The following AP1G2 variants were observed in gnomAD, a reference collection of about 807,000 sequenced individuals.
The protein encoded by AP1G2 is adaptor related protein complex 1 subunit gamma 2.
AP1G2 carries 85 observed loss-of-function variants against 95.8 expected under a neutral mutation model. The ratio of observed to expected loss-of-function variants is 0.89; its 90% confidence interval spans 0.74 to 1.06. AP1G2 has a LOEUF of 1.06. Ranked by LOEUF, AP1G2 falls within the 50% of genes least tolerant of loss-of-function variation. The probability of loss-of-function intolerance (pLI) is 0.00; values close to 1 mark genes in which losing one functional copy is unlikely to be tolerated. For synonymous variants in AP1G2, 378 were observed against 400.0 expected (o/e 0.94, Z 0.66); for missense variants, 967 against 1,005.8 (o/e 0.96, Z 0.52).
chr14:23,566,513 C>T (rs756970441), intron 3 of AP1G2, 49 bp downstream of exon 3: 9 of 1,609,998 alleles, frequency 5.6e-6, no homozygotes, highest in African/African-American at 4.0e-5. Flanking sequence ...TTCCAAGGTC[C>T]CTACTCTCCC....
rs538841677 is a variant in AP1G2, at chr14:23,560,351, G to A, written c.2061C>T (p.Pro687=). The change falls in exon 20 of 22, where the codon CCC becomes CCT. Residue 687 remains proline, a synonymous_variant. Coordinates refer to ENST00000397120, the MANE Select transcript of AP1G2 (RefSeq NM_003917.5). ...TTAACAGCAAAGCAGGGTTTTCAGG[G>A]GGTCGAATGAAAGACAGATTCAGCT... is the stretch of plus-strand genomic sequence containing the variant. ...GVQLNLSFIR[P]PENPALLLIT... 1 of 1,614,100 alleles carries A rather than the reference G, an allele frequency of 6.2e-7. No individual in the cohort carries two copies. Among genetic ancestry groups the A allele is most frequent in the South Asian group, 1.1e-5 (1 of 91,072 alleles).
In AP1G2 at chr14:23,563,590, C is replaced by A; in HGVS notation, c.1281G>T (p.Leu427=). The A allele has an allele frequency of 6.2e-7, 1 of 1,614,214 alleles. No individual in the cohort carries two copies. Among genetic ancestry groups the A allele is most frequent in the South Asian group, 1.1e-5 (1 of 91,082 alleles). Residue 427 remains leucine (L), a synonymous_variant, in exon 13 of 22, where the codon CTG becomes CTT. Transcript: ENST00000397120. ...RWHIDTILHV[L]TTAGTHVRDD... is the part of the protein sequence containing the mutation. ...TGACTGGCCCCTGCCTCACCGTTGT[C>A]AGCACATGCAGGATGGTGTCTATGT... is the stretch of plus-strand genomic sequence containing the variant.
intron 10 of AP1G2, 64 bp from the exon 11 acceptor site, chr14:23,564,223 T>G (rs1886599350): frequency 6.2e-7 from 1 of 1,612,166 alleles, no homozygotes; most frequent in African/African-American, 1.3e-5. Context: ...CGTCCTGTCC[T>G]GGGTATAGGG....
In AP1G2 at chr14:23,562,568, C is replaced by T. The variant is rs756707085; in HGVS notation, c.1436G>A (p.Trp479Ter). ...GAGGTCCCCATACTCCCCAATGCAC[C>T]AGGCTGCCACCTGCACCAGTGGTTG... ...SQQPLVQVAA[W>*]CIGEYGDLLL... The change falls in exon 15 of 22, where the codon TGG becomes TAG. Residue 479 changes from tryptophan to a stop codon, truncating the protein, a stop_gained. Coordinates refer to ENST00000397120, the MANE Select transcript of AP1G2 (RefSeq NM_003917.5). LOFTEE classifies it high-confidence loss of function. The T allele has an allele frequency of 4.3e-6, 7 of 1,614,116 alleles. No homozygotes were observed. The East Asian group carries it at 1.6e-4, about 36-fold the overall frequency.
chr14:23,566,798 A>C, intron 2 of AP1G2, 112 bp from the exon 3 acceptor site: 82 of 1,424,900 alleles, frequency 5.8e-5, no homozygotes, highest in Non-Finnish European at 7.1e-5. Context: ...ATCATATCTC[A>C]TCACTCTCCC....
chr14:23,561,129 G>T, intron 19 of AP1G2, 167 bp downstream of exon 19: 1 of 1,357,716 alleles, frequency 7.4e-7, no homozygotes, highest in Non-Finnish European at 9.5e-7. Context: ...ACAAAGGGAA[G>T]ACAGATGACC....
At position 23,562,742 on chromosome 14, in the gene AP1G2, A is replaced by G. The variant is rs867129987; in HGVS notation, c.1411-149T>C. The G allele has an allele frequency of 5.4e-4, 377 of 704,126 alleles. 3 individuals are homozygous for G. The highest frequency in any genetic ancestry group is 2.4e-3 in the Middle Eastern group (6 of 2,470). The allele number at this position is 704,126 out of a possible 1,614,324, so 43.6% of individuals were successfully genotyped here. A position where few individuals can be genotyped will look rare whatever the true frequency, so the allele number is the denominator to read the frequency against. On this transcript the variant is annotated intron_variant, in intron 14 of 21. Transcript: ENST00000397120. ...ACAAAGCGAGACCCCCCCCATCTCT[A>G]TTTTAAAAAAAAAAAGAGAGAGAGA...
At position 23,567,404 on chromosome 14, in the gene AP1G2, A is replaced by C; in HGVS notation, c.-5-85T>G. 6.8e-7 allele frequency: 1 copy of C among 1,473,812 alleles called. No homozygotes were observed. The highest frequency in any genetic ancestry group is 8.9e-7 in the Non-Finnish European group (1 of 1,120,078). The allele number at this position is 1,473,812 out of a possible 1,614,324, so 91.3% of individuals were successfully genotyped here. A position where few individuals can be genotyped will look rare whatever the true frequency, so the allele number is the denominator to read the frequency against. ...CAGGCCCGTCCTGTGTCAAGACCCT[A>C]AGAGCCCGGGTCCCACAGGTACCCT... On this transcript the variant is annotated intron_variant, in intron 1 of 21. Transcript: ENST00000397120. This position sits in a 1 kb window ranked among gnomAD's most constrained non-coding sequence, Gnocchi z 5.3.
rs1347444826 is a variant in AP1G2 at position 23,560,408 on chromosome 14, T to G, written c.2004A>C (p.Pro668=). The G allele has an allele frequency of 6.2e-7, 1 of 1,613,320 alleles. No individual in the cohort carries two copies. The highest frequency in any genetic ancestry group is 1.1e-5 in the South Asian group (1 of 90,996). The change falls in exon 20 of 22, where the codon CCA becomes CCC. Residue 668 remains proline, a synonymous_variant. Coordinates refer to ENST00000397120, the MANE Select transcript of AP1G2 (RefSeq NM_003917.5). ...CCTCACGCTCAAACACTTTGAGATC[T>G]GGGATGGGAGCTGGAGTAGGGAGAC... ...PCVPPPPAPI[P]DLKVFEREGV...
At position 23,564,098 on chromosome 14, in the gene AP1G2, G is replaced by T. The variant is rs777318047; in HGVS notation, c.1039C>A (p.His347Asn). ...AGACATTCCACCACAGTGGGCCGAT[G>T]CCGCTGCACAGCACTGTGATCAGAC... ...VQSDHSAVQRHRPTVVECLRE... is the reference protein window; with the variant it reads ...VQSDHSAVQRNRPTVVECLRE... Residue 347 changes from histidine (H) to asparagine (N), a missense_variant, in exon 11 of 22, where the codon CAT (histidine) becomes AAT (asparagine). Physicochemically the swap from His to Asn is moderately conservative, Grantham distance 68. Coordinates refer to ENST00000397120, the MANE Select transcript of AP1G2 (RefSeq NM_003917.5). The T allele has an allele frequency of 7.4e-6, 12 of 1,614,106 alleles. No individual in the cohort carries two copies. Among genetic ancestry groups the T allele is most frequent in the African/African-American group, 1.3e-5 (1 of 74,946 alleles).
intron 9 of AP1G2, 67 bp downstream of exon 9, chr14:23,564,495 G>A: frequency 1.2e-6 from 2 of 1,600,300 alleles, no homozygotes; most frequent in African/African-American, 1.3e-5. Flanking sequence ...GGAGAAACCA[G>A]CAAGCAGGAC....
intron 14 of AP1G2, chr14:23,563,164 A>G: frequency 1.4e-6 from 2 of 1,426,536 alleles, no homozygotes; most frequent in Non-Finnish European, 1.8e-6. Flanking sequence ...AGCATAAGGG[A>G]AGTTAGTCAT....
chr14:23,561,763 TA>T, intron 17 of AP1G2, 128 bp from the exon 18 acceptor site: 1 of 1,476,148 alleles, frequency 6.8e-7, no homozygotes, highest in Non-Finnish European at 9.0e-7. Flanking sequence ...TCTGATTTCC[TA>T]AAATGACATG....
Position 23,567,383 on chromosome 14 carries a change from C to A in AP1G2, c.-5-64G>T, listed in dbSNP as rs1888582848. ...GGCGTGCCTGGGCTTTCGGCCCAGGCCCGTCCTGTGTCAAGACCCTAAGAG... is the reference window on the plus strand; with the variant it reads ...GGCGTGCCTGGGCTTTCGGCCCAGGACCGTCCTGTGTCAAGACCCTAAGAG... On this transcript the variant is annotated intron_variant, in intron 1 of 21. Transcript: ENST00000397120. The surrounding 1 kb of genome is among the most constrained non-coding windows in gnomAD (Gnocchi z 5.3). The A allele has an allele frequency of 1.3e-5, 20 of 1,532,072 alleles. No homozygotes were observed. The highest frequency in any genetic ancestry group is 1.7e-5 in the Non-Finnish European group (20 of 1,151,762). The allele number at this position is 1,532,072 out of a possible 1,614,324, so 94.9% of individuals were successfully genotyped here.
In AP1G2 at chr14:23,566,648, T is replaced by G. The variant is rs749673114; in HGVS notation, c.243A>C (p.Thr81=). Residue 81 remains threonine, a synonymous_variant, in exon 3 of 22, where the codon ACA becomes ACC. Coordinates refer to ENST00000397120, the MANE Select transcript of AP1G2 (RefSeq NM_003917.5). ...CLKLIASSRF[T]DKRVGYLGAM... ...CCCCCAGGTAGCCCACCCTCTTGTCTGTGAATCTGGAGGAGGCGATCAGTT... is the reference window on the plus strand; with the variant it reads ...CCCCCAGGTAGCCCACCCTCTTGTCGGTGAATCTGGAGGAGGCGATCAGTT... 1 of 1,614,198 alleles carries G rather than the reference T, an allele frequency of 6.2e-7. No individual in the cohort carries two copies. Among genetic ancestry groups the G allele is most frequent in the Non-Finnish European group, 8.5e-7 (1 of 1,180,014 alleles).
chr14:23,564,470 T>A, intron 9 of AP1G2, 82 bp from the exon 10 acceptor site: 1 of 1,602,502 alleles, frequency 6.2e-7, no homozygotes, highest in South Asian at 1.1e-5. Flanking sequence ...TGGCGCAAGA[T>A]GATGGGGCTA....
At position 23,564,598 on chromosome 14, in the gene AP1G2, G is replaced by A; in HGVS notation, c.885C>T (p.Leu295=). The change falls in exon 9 of 22, where the codon CTC becomes CTT. Residue 295 remains leucine (L), a synonymous_variant. Coordinates refer to ENST00000397120, the MANE Select transcript of AP1G2 (RefSeq NM_003917.5). ...CTGCAGAGCGGATATCCATGATGGTGAGTACTGTCTCAAACAGGACCGCAT... is the reference window on the plus strand; with the variant it reads ...CTGCAGAGCGGATATCCATGATGGTAAGTACTGTCTCAAACAGGACCGCAT... ...AGNAVLFETV[L]TIMDIRSAAG... is the part of the protein sequence containing the mutation. The A allele has an allele frequency of 1.2e-6, 2 of 1,613,618 alleles. No homozygotes were observed. Among genetic ancestry groups the A allele is most frequent in the South Asian group, 1.1e-5 (1 of 91,044 alleles).
chr14:23,566,950 A>G, intron 2 of AP1G2, 161 bp downstream of exon 2: 1 of 927,656 alleles, frequency 1.1e-6, no homozygotes, highest in Non-Finnish European at 1.6e-6. Flanking sequence ...CCAGCTGATG[A>G]CCAGTAGGGG....
chr14:23,562,989 G>C, intron 14 of AP1G2: 1 of 926,358 alleles, frequency 1.1e-6, no homozygotes, highest in Non-Finnish European at 1.4e-6. Context: ...TGTGGAAGGG[G>C]TGGATGATGC....
Sources: allele counts gnomAD v4.1 joint callset, GRCh38; gene constraint gnomAD v4.1.1; non-coding constraint Gnocchi (gnomAD v3.1); transcripts MANE v1.5; gene names NCBI Gene and HGNC (gene_info 2026-07-23, HGNC 2026-07-21).